Variants in CHIC2 observed in about 807,000 individuals in gnomAD.
CHIC2 encodes the protein cysteine-rich hydrophobic domain-containing protein 2.
In CHIC2, 14 loss-of-function variants were observed where a neutral mutation model predicts 25.9. That is an observed-to-expected ratio of 0.54 (90% CI 0.36 to 0.85). The LOEUF is 0.85. CHIC2 is among the 40% of genes least tolerant of loss of function. CHIC2 has a pLI of 0.01. For missense variants in CHIC2, 146 were observed against 202.0 expected (o/e 0.72, Z 1.68); for synonymous variants, 70 against 72.0 (o/e 0.97, Z 0.14).
At chr4:54,085,664 T>C in the CHIC2 span, among the ~76,000 whole-genome samples, 2 of 152,222 alleles carry the variant, frequency 1.3e-5, no homozygotes, top group Admixed American at 6.5e-5. Flanking sequence ...CATTATGGTG[T>C]GTTTCCCAAA....
At chr4:54,074,597 AACACAC>A in the CHIC2 span, among the ~76,000 whole-genome samples, 12,854 of 139,652 alleles carry the variant, frequency 0.092, 639 homozygotes, top group Non-Finnish European at 0.13. Context: ...ACAACACACA[AACACAC>A]ACACACACAC....
intron 1 of CHIC2, chr4:54,059,691 T>C (rs921396453): frequency 3.3e-5 from 5 of 152,210 alleles, no homozygotes; most frequent in African/African-American, 9.6e-5. Flanking sequence ...TATTCTATTA[T>C]AGAACATTGT....
chr4:54,084,959 C>CAAAAAAAAAAAA, the CHIC2 span, among the ~76,000 whole-genome samples: 37 of 58,922 alleles, frequency 6.3e-4, no homozygotes, highest in South Asian at 0.01. Context: ...TGCTCTGTCT[C>CAAAAAAAAAAAA]AAAAAAAAAA....
At chr4:54,028,592 G>T (rs1241055204) in intron 3 of CHIC2, among the ~76,000 whole-genome samples, 11 of 152,164 alleles carry the variant, frequency 7.2e-5, no homozygotes, top group African/African-American at 1.9e-4. Flanking sequence ...TCCACATAGG[G>T]TGTTATGAAG....
intron 3 of CHIC2, among the ~76,000 whole-genome samples, chr4:54,041,989 C>T (rs1404180913): frequency 2.7e-5 from 4 of 150,618 alleles, no homozygotes; most frequent in East Asian, 1.9e-4. Context: ...GCACATGTAT[C>T]CCAGAACTTA....
chr4:54,057,864 C>A (rs1430460770), intron 1 of CHIC2, among the ~76,000 whole-genome samples: 1 of 152,190 alleles, frequency 6.6e-6, no homozygotes, highest in Non-Finnish European at 1.5e-5. Context: ...ACTTCTCTTA[C>A]TTTATATGCA....
At chr4:54,075,585 A>C in the CHIC2 span, among the ~76,000 whole-genome samples, 2 of 152,140 alleles carry the variant, frequency 1.3e-5, no homozygotes, top group African/African-American at 2.4e-5. Context: ...ACTGAGTCTC[A>C]CTCTATTACC....
upstream of CHIC2, chr4:54,064,826 G>C (rs1470182816): frequency 5.7e-5 from 13 of 228,298 alleles, no homozygotes; most frequent in Non-Finnish European, 9.4e-5. This position sits in a 1 kb window ranked among gnomAD's most constrained non-coding sequence, Gnocchi z 4.2. Context: ...TCCCGCCGGC[G>C]GGCCCCCCTC....
intron 5 of CHIC2, among the ~76,000 whole-genome samples, chr4:54,011,562 T>C (rs1457740175): frequency 6.6e-6 from 1 of 152,164 alleles, no homozygotes; most frequent in Non-Finnish European, 1.5e-5. Flanking sequence ...TAAATAATTT[T>C]GTATTTCAAG....
chr4:54,055,741 A>C (rs1477519978), intron 1 of CHIC2, among the ~76,000 whole-genome samples: 2 of 152,202 alleles, frequency 1.3e-5, no homozygotes, highest in Non-Finnish European at 2.9e-5. Flanking sequence ...CTAGTTTTGG[A>C]GATAAAGTCA....
At chr4:54,028,595 T>A (rs1266857994) in intron 3 of CHIC2, among the ~76,000 whole-genome samples, 1 of 152,248 alleles carries the variant, frequency 6.6e-6, no homozygotes, top group African/African-American at 2.4e-5. Flanking sequence ...ACATAGGGTG[T>A]TATGAAGATT....
intron 3 of CHIC2, among the ~76,000 whole-genome samples, chr4:54,018,874 A>T (rs1022786949): frequency 6.6e-6 from 1 of 152,018 alleles, no homozygotes; most frequent in African/African-American, 2.4e-5. Context: ...CAAATGTTCA[A>T]TTCCCTACTT....
At chr4:54,066,602 G>A (rs1236505874), upstream of CHIC2, among the ~76,000 whole-genome samples, 1 of 151,438 alleles carries the variant, frequency 6.6e-6, no homozygotes. Flanking sequence ...GAGTATACTG[G>A]TGGTCCAAGC....
chr4:54,054,855 G>C (rs931866913), intron 1 of CHIC2, among the ~76,000 whole-genome samples: 3 of 152,184 alleles, frequency 2.0e-5, no homozygotes, highest in African/African-American at 7.2e-5. Context: ...TTGAAGTCAA[G>C]ATGTAGTAAA....
chr4:54,053,487 G>A (rs1041888670), intron 1 of CHIC2, among the ~76,000 whole-genome samples: 4 of 151,272 alleles, frequency 2.6e-5, no homozygotes, highest in African/African-American at 4.9e-5. Context: ...ACCCGGAGGC[G>A]GAGGTTGCAG....
the CHIC2 span, among the ~76,000 whole-genome samples, chr4:54,091,670 C>G: frequency 1.5e-3 from 232 of 152,298 alleles, no homozygotes; most frequent in Admixed American, 2.5e-3. Context: ...ACCACCTGTT[C>G]CTCAAAAAAC....
intron 1 of CHIC2, among the ~76,000 whole-genome samples, chr4:54,054,594 T>G (rs1456576036): frequency 6.6e-6 from 1 of 152,180 alleles, no homozygotes; most frequent in African/African-American, 2.4e-5. Flanking sequence ...CCATGTATAC[T>G]AGAGAGAGTA....
intron 1 of CHIC2, among the ~76,000 whole-genome samples, chr4:54,059,140 G>A (rs1476800431): frequency 6.6e-6 from 1 of 151,994 alleles, no homozygotes; most frequent in Non-Finnish European, 1.5e-5. Flanking sequence ...AAAATGCATA[G>A]AATTTTTTCT....
intron 3 of CHIC2, among the ~76,000 whole-genome samples, chr4:54,035,823 T>C (rs781057122): frequency 5.9e-5 from 9 of 152,206 alleles, no homozygotes; most frequent in Non-Finnish European, 8.8e-5. Context: ...CTTTCTAGTG[T>C]AGACTTTCAG....
Sources: gnomAD v4.1 joint callset for allele counts (sites outside exome capture counted in the v4.1 genomes callset) on GRCh38, gnomAD v4.1.1 for gene constraint, Gnocchi (gnomAD v3.1) non-coding constraint, MANE v1.5 for transcripts, NCBI Gene and HGNC (gene_info 2026-07-23, HGNC 2026-07-21) for gene names.